PAG1: variants seen among roughly 807,000 people sequenced by gnomAD.
PAG1 encodes phosphoprotein associated with glycosphingolipid-enriched microdomains 1.
PAG1 carries 23 observed loss-of-function variants against 31.7 expected under a neutral mutation model. The observed-to-expected ratio is 0.73, with a 90% CI of 0.52 to 1.03. The LOEUF is 1.03. Among genes scored for constraint, PAG1 ranks in the 50% least tolerant of loss-of-function variants. The pLI, the probability that PAG1 is intolerant of heterozygous loss-of-function variation, is 0.00. For synonymous variants in PAG1, 214 were observed against 210.3 expected, an observed-to-expected ratio of 1.02 and a Z score of -0.15; for missense variants, 473 against 540.7, an observed-to-expected ratio of 0.87 and a Z score of 1.24.
At chr8:81,040,674 T>C (rs949553788) in intron 2 of PAG1, 1 of 63,990 alleles carries the variant, frequency 1.6e-5, no homozygotes, top group Non-Finnish European at 3.0e-5. Context: ...ATCTAGAATA[T>C]ATTTCTTTCA....
chr8:81,091,502 C>T (rs929242896), intron 1 of PAG1, among the ~76,000 whole-genome samples: 2 of 152,090 alleles, frequency 1.3e-5, no homozygotes, highest in African/African-American at 4.8e-5. Flanking sequence ...CATACCTAGG[C>T]TATATGGGGT....
chr8:81,077,792 G>A (rs572899889), intron 1 of PAG1, among the ~76,000 whole-genome samples: 59 of 152,304 alleles, frequency 3.9e-4, no homozygotes, highest in Non-Finnish European at 1.5e-5. Context: ...AAAGCAAAAT[G>A]TTTAGATTGG....
chr8:81,066,257 A>T (rs11993158), intron 2 of PAG1, among the ~76,000 whole-genome samples: 7,343 of 152,334 alleles, frequency 0.048, 643 homozygotes, highest in African/African-American at 0.17. Context: ...GCAAAGTAGC[A>T]TAGAAAACAG....
intron 1 of PAG1, among the ~76,000 whole-genome samples, chr8:81,076,198 A>G (rs918188528): frequency 2.0e-5 from 3 of 152,250 alleles, no homozygotes; most frequent in Admixed American, 2.0e-4. Context: ...TCCTTAGGTC[A>G]GTTCAGCAAA....
At chr8:81,092,189 CAAAAAAAAA>C (rs58417714) in intron 1 of PAG1, among the ~76,000 whole-genome samples, 9 of 71,402 alleles carry the variant, frequency 1.3e-4, no homozygotes, top group East Asian at 4.2e-4. Context: ...CACATCTCTG[CAAAAAAAAA>C]AAAAAAAAAA....
chr8:81,107,556 T>C (rs1230227617), intron 1 of PAG1, among the ~76,000 whole-genome samples: 2 of 152,096 alleles, frequency 1.3e-5, no homozygotes, highest in Non-Finnish European at 2.9e-5. Flanking sequence ...TAGGCCTCAG[T>C]TGTCACTTCC....
chr8:81,064,552 C>T (rs1158494217), intron 2 of PAG1, among the ~76,000 whole-genome samples: 1 of 152,102 alleles, frequency 6.6e-6, no homozygotes, highest in Non-Finnish European at 1.5e-5. Context: ...AAAAAAAGAC[C>T]TTGAAGGACT....
intron 2 of PAG1, among the ~76,000 whole-genome samples, chr8:81,044,807 T>C (rs1808613316): frequency 6.6e-6 from 1 of 152,146 alleles, no homozygotes; most frequent in Admixed American, 6.5e-5. Flanking sequence ...TTGAACACAC[T>C]GGTCCCTCTA....
At chr8:81,077,468 G>A (rs1355647775) in intron 1 of PAG1, among the ~76,000 whole-genome samples, 1 of 152,192 alleles carries the variant, frequency 6.6e-6, no homozygotes, top group Non-Finnish European at 1.5e-5. Flanking sequence ...AGGGAACACT[G>A]CAATAATGGT....
chr8:81,098,691 C>A (rs1465128136), intron 1 of PAG1, among the ~76,000 whole-genome samples: 1 of 152,174 alleles, frequency 6.6e-6, no homozygotes, highest in Non-Finnish European at 1.5e-5. Flanking sequence ...GAGAGGTGAA[C>A]CACAAACCAC....
intron 3 of PAG1, among the ~76,000 whole-genome samples, chr8:81,005,146 C>T (rs2118555): frequency 6.6e-6 from 1 of 152,088 alleles, no homozygotes; most frequent in Non-Finnish European, 1.5e-5. Flanking sequence ...GATGAGAGGG[C>T]TGAGGCCAGG....
At chr8:81,102,329 T>A (rs187655303) in intron 1 of PAG1, among the ~76,000 whole-genome samples, 3 of 152,182 alleles carry the variant, frequency 2.0e-5, no homozygotes, top group African/African-American at 7.2e-5. Flanking sequence ...TTAAAATTTA[T>A]AAATGTATTG....
intron 3 of PAG1, among the ~76,000 whole-genome samples, chr8:81,014,363 T>C (rs976035870): frequency 2.0e-5 from 3 of 152,172 alleles, no homozygotes; most frequent in African/African-American, 4.8e-5. Flanking sequence ...CCATAAAACA[T>C]TACTTTAAAA....
At chr8:81,064,106 G>A (rs1032214912) in intron 2 of PAG1, among the ~76,000 whole-genome samples, 18 of 152,156 alleles carry the variant, frequency 1.2e-4, no homozygotes, top group Non-Finnish European at 2.5e-4. Context: ...CTTCCACACC[G>A]GGGTTGACTT....
chr8:80,976,496 C>A lies in PAG1; in HGVS notation c.*48G>T. On this transcript the variant is annotated 3_prime_UTR_variant, in exon 9 of 9. Coordinates refer to ENST00000220597, the MANE Select transcript of PAG1 (RefSeq NM_018440.4). ...CACTTCTTCTCTTCCACAGAAGAAA[C>A]GTCTCCAGACACTGATCACAGGCTA... 1 of 1,537,596 alleles carries A rather than the reference C, an allele frequency of 6.5e-7. No individual in the cohort carries two copies. Among genetic ancestry groups the A allele is most frequent in the African/African-American group, 1.4e-5 (1 of 72,182 alleles).
chr8:80,996,598 C>T (rs1807678034), intron 3 of PAG1, among the ~76,000 whole-genome samples: 1 of 152,120 alleles, frequency 6.6e-6, no homozygotes, highest in African/African-American at 2.4e-5. Context: ...TGGACCGGCT[C>T]CTCCCCTGTG....
intron 1 of PAG1, among the ~76,000 whole-genome samples, chr8:81,109,594 CAGCAGCAATTCAATGTCCAT>C (rs1586225769): frequency 6.6e-6 from 1 of 152,218 alleles, no homozygotes; most frequent in Non-Finnish European, 1.5e-5. Flanking sequence ...TAATATTCAT[CAGCAGCAATTCAATGTCCAT>C]AGCAGCAATT....
chr8:81,093,530 A>AGGT (rs1809480626), intron 1 of PAG1, among the ~76,000 whole-genome samples: 1 of 151,976 alleles, frequency 6.6e-6, no homozygotes, highest in African/African-American at 2.4e-5. Context: ...ATTGTCTCTG[A>AGGT]GGTTCCTCTT....
At position 80,976,796 on chromosome 8, in the gene PAG1, C is replaced by A; in HGVS notation, c.1047G>T (p.Gln349His). 1 of 1,614,130 alleles carries A rather than the reference C, an allele frequency of 6.2e-7. No homozygotes were observed. Residue 349 changes from glutamine (Q) to histidine (H), a missense_variant, in exon 9 of 9, where the codon CAG (glutamine) becomes CAT (histidine). Gln to His is a conservative substitution (Grantham distance 24, BLOSUM62 0). Transcript: ENST00000220597. ...GATCATTACAGGAGGAGGGTGACCTCTGTGGGTCCCCTTGAATGGAGGTGT... is the reference window on the plus strand; with the variant it reads ...GATCATTACAGGAGGAGGGTGACCTATGTGGGTCCCCTTGAATGGAGGTGT... The part of the protein sequence containing the change: ...STYTSIQGDP[Q>H]RSPSSCNDLY...
Sources: allele counts gnomAD v4.1 joint callset (sites outside exome capture counted in the v4.1 genomes callset), GRCh38; gene constraint gnomAD v4.1.1; transcripts MANE v1.5; gene names NCBI Gene and HGNC (gene_info 2026-07-23, HGNC 2026-07-21).